The following PASD1 variants were observed in gnomAD, a reference collection of about 807,000 sequenced individuals.
PASD1 encodes PAS domain containing repressor 1.
PASD1 carries 13 observed loss-of-function variants against 58.8 expected under a neutral mutation model. The ratio of observed to expected loss-of-function variants is 0.22; its 90% CI spans 0.14 to 0.35. The LOEUF is 0.35. Among genes scored for constraint, PASD1 ranks in the 10% least tolerant of loss-of-function variants. The pLI is 1.00. For missense variants in PASD1, 734 were observed against 568.3 expected, an observed-to-expected ratio of 1.29 and a Z score of -2.96; for synonymous variants, 236 against 216.7, an observed-to-expected ratio of 1.09 and a Z score of -0.78.
intron 1 of PASD1, among the ~76,000 whole-genome samples, chrX:151,587,689 T>G (rs751922138): frequency 8.9e-6 from 1 of 111,755 alleles, no homozygotes; most frequent in Non-Finnish European, 1.9e-5. Context: ...GCACAGCCAG[T>G]CAGTAGGGAT....
chrX:151,665,771 G>T (rs1325456982), intron 11 of PASD1, among the ~76,000 whole-genome samples: 2 of 110,491 alleles, frequency 1.8e-5, no homozygotes, highest in African/African-American at 6.6e-5. Context: ...GAAAAGCAAA[G>T]AAAATTTCTG....
intron 4 of PASD1, among the ~76,000 whole-genome samples, chrX:151,618,800 T>C (rs1271426633): frequency 9.0e-6 from 1 of 111,216 alleles, no homozygotes; most frequent in African/African-American, 3.3e-5. Flanking sequence ...GCTCTCATTG[T>C]GTTTGGATGT....
At chrX:151,652,519 T>G in intron 9 of PASD1, among the ~76,000 whole-genome samples, 1 of 78,506 alleles carries the variant, frequency 1.3e-5, no homozygotes, top group Admixed American at 1.8e-4. Flanking sequence ...GGCGACAGAA[T>G]GAGACTCCGT....
intron 1 of PASD1, among the ~76,000 whole-genome samples, chrX:151,573,963 T>G (rs1331751347): frequency 1.8e-5 from 2 of 112,419 alleles, no homozygotes; most frequent in African/African-American, 3.2e-5. Context: ...ACTTCTTGTA[T>G]TTCCCCTTTA....
rs2014490617 is a variant in PASD1, at chrX:151,672,456, C to G, written c.1711C>G (p.Pro571Ala). 8.3e-7 allele frequency: 1 copy of G among 1,210,258 alleles called. No homozygotes were observed. The highest frequency in any genetic ancestry group is 2.2e-5 in the Admixed American group (1 of 45,814). The change falls in exon 14 of 16, where the codon CCA becomes GCA. Residue 571 changes from proline to alanine, a missense_variant. Pro to Ala is a conservative substitution (Grantham distance 27). Transcript: ENST00000370357. ...EQQKQQLQEQ[P>A]LKHNVIVGNE... is the part of the protein sequence containing the mutation. Reference sequence around the variant, plus strand: ...GCAGAAGCAGCAGCTGCAAGAGCAGCCACTGAAGCATAATGTCATCGTGGG... The same window carrying G: ...GCAGAAGCAGCAGCTGCAAGAGCAGGCACTGAAGCATAATGTCATCGTGGG...
chrX:151,653,688 C>T (rs1438004736), intron 9 of PASD1, among the ~76,000 whole-genome samples: 3 of 104,163 alleles, frequency 2.9e-5, no homozygotes, highest in African/African-American at 1.0e-4. Flanking sequence ...TCCTTCCTTC[C>T]TTCCCTCCTC....
Position 151,566,441 on chromosome X carries a change from A to G in PASD1, c.-28+2602A>G, listed in dbSNP as rs1187302383. 3.6e-5 allele frequency among the ~76,000 whole-genome samples: 4 copies of G among 111,705 alleles called. No individual in the cohort carries two copies. In the East Asian group the frequency reaches 1.1e-3, roughly 32 times the overall value. Reference sequence around the variant, plus strand: ...ACACATACTAACAAAATGATGGAGGAGCAAAAATGCCTAGCATTTTCCGAA... The same window carrying G: ...ACACATACTAACAAAATGATGGAGGGGCAAAAATGCCTAGCATTTTCCGAA... On this transcript the variant is annotated intron_variant, in intron 1 of 15. Transcript: ENST00000370357.
intron 7 of PASD1, 25 bp downstream of exon 7, chrX:151,623,089 C>T (rs770388600): frequency 1.7e-6 from 2 of 1,202,432 alleles, no homozygotes; most frequent in Non-Finnish European, 2.2e-6. Context: ...TTTGTGCTTC[C>T]CCCGCTGTGG....
intron 1 of PASD1, among the ~76,000 whole-genome samples, chrX:151,592,815 G>T (rs2124242590): frequency 9.0e-6 from 1 of 111,606 alleles, no homozygotes; most frequent in South Asian, 3.8e-4. Context: ...CATATACAGT[G>T]GAAGATAATG....
chrX:151,599,351 G>A (rs1450277148), intron 1 of PASD1, among the ~76,000 whole-genome samples: 1 of 112,989 alleles, frequency 8.9e-6, no homozygotes, highest in Non-Finnish European at 1.9e-5. Flanking sequence ...CTCCCAGATG[G>A]GGCAGCGGCC....
At chrX:151,642,533 G>T (rs919551769) in intron 8 of PASD1, among the ~76,000 whole-genome samples, 10 of 112,018 alleles carry the variant, frequency 8.9e-5, no homozygotes, top group African/African-American at 3.2e-4. Context: ...AATAAAAACA[G>T]AATTTCAGGA....
At chrX:151,672,782 A>G in intron 14 of PASD1, 121 bp downstream of exon 14, 1 of 1,074,671 alleles carries the variant, frequency 9.3e-7, no homozygotes, top group Non-Finnish European at 1.2e-6. Context: ...CCCTCTCATC[A>G]ATAGCAACTT....
chrX:151,632,611 C>A (rs1348715569), intron 8 of PASD1, among the ~76,000 whole-genome samples: 1 of 111,813 alleles, frequency 8.9e-6, no homozygotes, highest in Admixed American at 9.5e-5. Flanking sequence ...ACACTACCTG[C>A]TCTCCCTTTG....
At chrX:151,610,426 G>A (rs1423863520) in intron 3 of PASD1, among the ~76,000 whole-genome samples, 2 of 110,917 alleles carry the variant, frequency 1.8e-5, no homozygotes. Flanking sequence ...TGAGTCTCTT[G>A]TTTCTTCATA....
intron 1 of PASD1, among the ~76,000 whole-genome samples, chrX:151,581,592 A>G (rs1176040745): frequency 9.0e-6 from 1 of 111,007 alleles, no homozygotes; most frequent in Non-Finnish European, 1.9e-5. Context: ...CTCTAAAATT[A>G]ATTAATTAAT....
chrX:151,580,600 A>G (rs2013074440), intron 1 of PASD1, among the ~76,000 whole-genome samples: 1 of 103,082 alleles, frequency 9.7e-6, no homozygotes, highest in Non-Finnish European at 1.9e-5. Flanking sequence ...AAATATGTGT[A>G]TTGTATATTG....
chrX:151,673,659 G>C, intron 14 of PASD1: 1 of 400,971 alleles, frequency 2.5e-6, no homozygotes, highest in Non-Finnish European at 4.3e-6. Flanking sequence ...AGGCCACAGA[G>C]AGCATAGTTG....
At chrX:151,612,284 C>T (rs1301734816) in intron 4 of PASD1, among the ~76,000 whole-genome samples, 5 of 101,531 alleles carry the variant, frequency 4.9e-5, no homozygotes, top group Admixed American at 1.0e-4. Context: ...CATACGAGTG[C>T]GTGTGTCTTT....
chrX:151,611,972 C>A (rs1209472926), intron 4 of PASD1, among the ~76,000 whole-genome samples: 1 of 64,966 alleles, frequency 1.5e-5, no homozygotes, highest in Non-Finnish European at 2.7e-5. Context: ...TCCCCCCTCC[C>A]CCCACCCTAC....
Sources: allele counts gnomAD v4.1 joint callset (sites outside exome capture counted in the v4.1 genomes callset), GRCh38; gene constraint gnomAD v4.1.1; transcripts MANE v1.5; gene names NCBI Gene and HGNC (gene_info 2026-07-23, HGNC 2026-07-21).